Variants in GRM5 observed in about 807,000 individuals in gnomAD.
The protein encoded by GRM5 is glutamate metabotropic receptor 5.
GRM5 carries 19 observed loss-of-function variants against 83.1 expected under a neutral mutation model. The ratio of observed to expected loss-of-function variants is 0.23; its 90% confidence interval spans 0.16 to 0.34. The LOEUF (loss-of-function observed/expected upper bound fraction) is 0.34, where lower values mean the gene tolerates loss of function less well. Among genes scored for constraint, GRM5 ranks in the 10% least tolerant of loss-of-function variants. The probability of loss-of-function intolerance (pLI) is 1.00; values close to 1 mark genes in which losing one functional copy is unlikely to be tolerated. For missense variants in GRM5, 1,160 were observed against 1,588.3 expected, an observed-to-expected ratio of 0.73 and a Z score of 4.58; for synonymous variants, 675 against 633.6, an observed-to-expected ratio of 1.07 and a Z score of -0.98.
Position 88,567,887 on chromosome 11 carries a change from A to G in GRM5, c.1796T>C (p.Val599Ala). ...TGTATCACGGTAAATGATGAAGACT[A>G]CAGTAACAAACAGGGTGGCCAGGAG... ...LGLLATLFVT[V>A]VFIIYRDTPV... is the part of the protein sequence containing the mutation. Residue 599 changes from valine (V) to alanine (A), a missense_variant, in exon 8 of 10, where the codon GTA becomes GCA. Val to Ala is a moderately conservative substitution (Grantham distance 64, BLOSUM62 0). This residue lies in a region of GRM5 where 132 missense variants were observed against 245.5 expected (regional missense o/e 0.54). Transcript: ENST00000305447. This position sits in a 1 kb window ranked among gnomAD's most constrained non-coding sequence, Gnocchi z 7.3. The G allele has an allele frequency of 1.9e-6, 3 of 1,613,718 alleles. No individual in the cohort carries two copies. Among genetic ancestry groups the G allele is most frequent in the Non-Finnish European group, 2.5e-6 (3 of 1,179,604 alleles).
chr11:88,923,312 G>A (rs1465704867), intron 2 of GRM5, among the ~76,000 whole-genome samples: 1 of 152,126 alleles, frequency 6.6e-6, no homozygotes, highest in Non-Finnish European at 1.5e-5. Flanking sequence ...GTGTTCATCA[G>A]TAGATGAATG....
chr11:88,773,255 G>C (rs1942778329), intron 3 of GRM5, among the ~76,000 whole-genome samples: 2 of 152,092 alleles, frequency 1.3e-5, no homozygotes, highest in South Asian at 4.1e-4. Context: ...CTTCTTTTGA[G>C]AAGTGTCTGT....
chr11:88,663,996 A>G (rs900426508), intron 3 of GRM5, among the ~76,000 whole-genome samples: 5 of 152,140 alleles, frequency 3.3e-5, no homozygotes, highest in African/African-American at 9.7e-5. Context: ...TTTTCCTCAT[A>G]CTTTCCTCAA....
intron 2 of GRM5, among the ~76,000 whole-genome samples, chr11:88,893,875 TAG>T (rs1227882884): frequency 6.6e-6 from 1 of 151,922 alleles, no homozygotes; most frequent in Non-Finnish European, 1.5e-5. Flanking sequence ...AGGGGAATGA[TAG>T]AGGAGTTAAG....
At chr11:88,733,193 A>G (rs904495) in intron 3 of GRM5, among the ~76,000 whole-genome samples, 124,323 of 151,932 alleles carry the variant, frequency 0.82, 50,937 homozygotes, top group South Asian at 0.92. Context: ...CTTTTTGAAA[A>G]TGGAAACAAA....
Position 88,509,405 on chromosome 11 carries a change from G to A in GRM5, c.2826C>T (p.Asn942=), listed in dbSNP as rs1052119792. The change falls in exon 10 of 10, where the codon AAC becomes AAT. Residue 942 remains asparagine, a synonymous_variant. Coordinates refer to ENST00000305447, the MANE Select transcript of GRM5 (RefSeq NM_001143831.3). ...GCTTGATGACGGCCGTTTGGTTGGG[G>A]TTTTCTTTCTTGTTGATGTGGATGG... ...RLSIHINKKE[N]PNQTAVIKPF... The A allele has an allele frequency of 2.5e-6, 4 of 1,612,848 alleles. No homozygotes were observed. Among genetic ancestry groups the A allele is most frequent in the Non-Finnish European group, 3.4e-6 (4 of 1,179,962 alleles).
rs368956111 is a variant in GRM5, at chr11:88,535,331, G to T, written c.2631-9927C>A. On this transcript the variant is annotated intron_variant, in intron 8 of 9. Transcript: ENST00000305447. ...GAGTCTTCTGGAGACTTCTGAGAAC[G>T]ATTTCTTTAGTATTAATAAAACACT... Among the ~76,000 whole-genome samples the T allele has an allele frequency of 1.3e-4, 20 of 152,252 alleles. No homozygotes were observed. The East Asian group carries it at 1.9e-3, about 15-fold the overall frequency.
intron 2 of GRM5, among the ~76,000 whole-genome samples, chr11:88,989,184 A>G (rs1170770396): frequency 6.8e-6 from 1 of 147,724 alleles, no homozygotes; most frequent in Non-Finnish European, 1.5e-5. Context: ...AGCAAATGGA[A>G]AACAAAAAAA....
intron 3 of GRM5, among the ~76,000 whole-genome samples, chr11:88,809,947 G>T (rs997580776): frequency 6.6e-6 from 1 of 151,986 alleles, no homozygotes; most frequent in Non-Finnish European, 1.5e-5. Context: ...CCTGATATTT[G>T]AATTTAATTG....
chr11:88,943,110 C>T (rs1938166793), intron 2 of GRM5, among the ~76,000 whole-genome samples: 1 of 152,080 alleles, frequency 6.6e-6, no homozygotes, highest in African/African-American at 2.4e-5. Flanking sequence ...CTGATGAACT[C>T]TGCCTAACAG....
intron 2 of GRM5, among the ~76,000 whole-genome samples, chr11:88,876,508 T>C (rs1223053735): frequency 6.6e-6 from 1 of 152,252 alleles, no homozygotes; most frequent in Non-Finnish European, 1.5e-5. Context: ...AATTTTTTAT[T>C]TGCATTCACA....
chr11:88,539,726 C>G (rs940811281), intron 8 of GRM5, among the ~76,000 whole-genome samples: 1 of 152,182 alleles, frequency 6.6e-6, no homozygotes, highest in Non-Finnish European at 1.5e-5. Flanking sequence ...CTACCTCCAT[C>G]TGGACCTACT....
intron 3 of GRM5, among the ~76,000 whole-genome samples, chr11:88,679,930 A>T (rs11020934): frequency 0.38 from 2,848 of 7,520 alleles, 67 homozygotes; most frequent in East Asian, 0.53. Context: ...AATCTGTTTA[A>T]TAAAAACAAA....
chr11:88,751,095 AC>A lies in GRM5; in HGVS notation c.912-97693del, dbSNP rs1262260308. ...GCCAAAAAAAAAAAAAAAAAAAAAA[AC>A]AAAGAACAAAATCAGAGTGGAAATA... is the stretch of plus-strand genomic sequence containing the variant. On this transcript the variant is annotated intron_variant, in intron 3 of 9. Transcript: ENST00000305447. Among the ~76,000 whole-genome samples the A allele has an allele frequency of 2.8e-3, 376 of 136,354 alleles. 8 individuals carry two copies. The highest frequency in any genetic ancestry group is 9.4e-3 in the African/African-American group (318 of 33,658). 89.5% of individuals were successfully genotyped at this position (136,354 alleles called of 152,430 possible). A position where few individuals can be genotyped will look rare whatever the true frequency, so the allele number is the denominator to read the frequency against.
chr11:88,901,925 A>G (rs1403134171), intron 2 of GRM5, among the ~76,000 whole-genome samples: 2 of 152,170 alleles, frequency 1.3e-5, no homozygotes, highest in Non-Finnish European at 2.9e-5. Context: ...AATAAGTTCC[A>G]TAGTTGAGCG....
At chr11:88,813,774 T>C (rs989983946) in intron 3 of GRM5, among the ~76,000 whole-genome samples, 1 of 152,170 alleles carries the variant, frequency 6.6e-6, no homozygotes, top group African/African-American at 2.4e-5. Context: ...AAGATTCATA[T>C]AAAATGTTGA....
chr11:88,894,005 A>C (rs934376151), intron 2 of GRM5, among the ~76,000 whole-genome samples: 1 of 152,176 alleles, frequency 6.6e-6, no homozygotes, highest in Non-Finnish European at 1.5e-5. Flanking sequence ...GTTGACCTGC[A>C]GACATAGACA....
intron 3 of GRM5, among the ~76,000 whole-genome samples, chr11:88,780,080 C>G (rs995370348): frequency 2.0e-5 from 3 of 152,188 alleles, no homozygotes; most frequent in Non-Finnish European, 2.9e-5. Context: ...GAATCCCTTC[C>G]TGACCTGCAC....
chr11:89,056,853 T>C (rs1941886853), intron 1 of GRM5, among the ~76,000 whole-genome samples: 1 of 152,178 alleles, frequency 6.6e-6, no homozygotes, highest in Non-Finnish European at 1.5e-5. Flanking sequence ...TATTTGTGGG[T>C]CCTTAGCAGA....
Sources: allele counts gnomAD v4.1 joint callset (sites outside exome capture counted in the v4.1 genomes callset), GRCh38; gene constraint gnomAD v4.1.1; regional missense constraint gnomAD v4.1.1; non-coding constraint Gnocchi (gnomAD v3.1); transcripts MANE v1.5; gene names NCBI Gene and HGNC (gene_info 2026-07-23, HGNC 2026-07-21).